Variants in CPNE2 observed in about 807,000 individuals in gnomAD.
CPNE2 encodes copine-2.
CPNE2 carries 42 observed loss-of-function variants against 69.7 expected under a neutral mutation model. That is an observed-to-expected ratio of 0.60 (90% CI 0.47 to 0.78). The LOEUF is 0.78. Ranked by LOEUF, CPNE2 falls within the 30% of genes least tolerant of loss-of-function variation. The pLI is 0.00. For synonymous variants in CPNE2, 294 were observed against 289.8 expected, an observed-to-expected ratio of 1.01 and a Z score of -0.15; for missense variants, 587 against 732.0, an observed-to-expected ratio of 0.80 and a Z score of 2.29.
At chr16:57,095,842 T>C (rs2069575174) in intron 1 of CPNE2, among the ~76,000 whole-genome samples, 1 of 152,208 alleles carries the variant, frequency 6.6e-6, no homozygotes, top group Non-Finnish European at 1.5e-5. Flanking sequence ...TGTGTCACCA[T>C]CCCTCCTCAC....
chr16:57,125,065 T>C (rs557756790), intron 10 of CPNE2: 9 of 328,288 alleles, frequency 2.7e-5, no homozygotes, highest in South Asian at 2.2e-4. Flanking sequence ...CCACAGCAAC[T>C]GAGTTCCCAT....
rs1257959023 is a variant in CPNE2 at position 57,147,654 on chromosome 16, C to T, written c.1643C>T (p.Ala548Val). 6.3e-7 allele frequency: 1 copy of T among 1,598,616 alleles called. No homozygotes were observed. The highest frequency in any genetic ancestry group is 1.7e-5 in the Admixed American group (1 of 59,386). ...CTGCCCCCCACCAACTCGGAGCCCG[C>T]CTGAGCTCCAGTGCCCAGCAGCAGC... ...KNLPPTNSEP[A>V] is the part of the protein sequence containing the mutation. The change falls in exon 16 of 16, where the codon GCC (alanine) becomes GTC (valine). Residue 548 changes from alanine (A) to valine (V), a missense_variant. Physicochemically the swap from Ala to Val is moderately conservative, Grantham distance 64. Coordinates refer to ENST00000290776, the MANE Select transcript of CPNE2 (RefSeq NM_152727.6).
At chr16:57,122,363 G>A (rs9940758) in intron 9 of CPNE2, among the ~76,000 whole-genome samples, 2 of 152,212 alleles carry the variant, frequency 1.3e-5, no homozygotes, top group East Asian at 3.8e-4. Context: ...CCACCAGCAG[G>A]TGGATCCCAG....
At chr16:57,096,809 C>T (rs935839603) in intron 1 of CPNE2, among the ~76,000 whole-genome samples, 3 of 151,970 alleles carry the variant, frequency 2.0e-5, no homozygotes, top group Non-Finnish European at 2.9e-5. Flanking sequence ...GAGGGGACAG[C>T]CAGGGCACAT....
chr16:57,115,587 T>G, intron 4 of CPNE2, 37 bp downstream of exon 4: 2 of 1,397,184 alleles, frequency 1.4e-6, no homozygotes, highest in East Asian at 2.6e-5. Context: ...ACCCCCTCCA[T>G]CCCCACCCCA....
chr16:57,125,500 A>C, intron 10 of CPNE2: 1 of 388,830 alleles, frequency 2.6e-6, no homozygotes, highest in Non-Finnish European at 5.2e-6. Context: ...ACGGGAAGAA[A>C]CGATAGCCTG....
At chr16:57,113,544 C>T in intron 3 of CPNE2, 77 bp downstream of exon 3, 1 of 1,437,822 alleles carries the variant, frequency 7.0e-7, no homozygotes. Context: ...CTCGTGCTGT[C>T]TTTCCCTAGC....
At position 57,130,968 on chromosome 16, in the gene CPNE2, G is replaced by A. The variant is rs141626982; in HGVS notation, c.1116+3065G>A. 8.3e-3 allele frequency among the ~76,000 whole-genome samples: 1,265 copies of A among 152,216 alleles called. 20 individuals are homozygous for A. The highest frequency in any genetic ancestry group is 0.029 in the African/African-American group (1,192 of 41,534). On this transcript the variant is annotated intron_variant, in intron 12 of 15. Coordinates refer to ENST00000290776, the MANE Select transcript of CPNE2 (RefSeq NM_152727.6). The surrounding 1 kb of genome is among the most constrained non-coding windows in gnomAD (Gnocchi z 4.1). ...AGGCGGGGGCTCCTCATAGAACCAC[G>A]GGCACCAGGGGAGGGGTGGTTTGGT...
chr16:57,105,686 G>C (rs1203116820), intron 1 of CPNE2, among the ~76,000 whole-genome samples: 2 of 152,252 alleles, frequency 1.3e-5, no homozygotes, highest in East Asian at 3.9e-4. Flanking sequence ...GAATTCCCAA[G>C]TCCTGTCCTC....
chr16:57,133,563 C>G (rs1192993879), intron 12 of CPNE2, among the ~76,000 whole-genome samples: 1 of 152,164 alleles, frequency 6.6e-6, no homozygotes, highest in African/African-American at 2.4e-5. Flanking sequence ...CCCAGTACCC[C>G]CATCGTCATG....
Position 57,146,716 on chromosome 16 carries a change from G to A in CPNE2, c.1539+395G>A, listed in dbSNP as rs1194362619. 1 of 189,456 alleles carries A rather than the reference G, an allele frequency of 5.3e-6. No individual in the cohort carries two copies. Among genetic ancestry groups the A allele is most frequent in the South Asian group, 9.9e-5 (1 of 10,120 alleles). 11.7% of individuals were successfully genotyped at this position (189,456 alleles called of 1,614,324 possible). A position where few individuals can be genotyped will look rare whatever the true frequency, so the allele number is the denominator to read the frequency against. Reference sequence around the variant, plus strand: ...CAGCAAGCCCCCTCATTTTGTAGACGGAAAACAAGGCCTCCCAGTCATCTT... The same window carrying A: ...CAGCAAGCCCCCTCATTTTGTAGACAGAAAACAAGGCCTCCCAGTCATCTT... On this transcript the variant is annotated intron_variant, in intron 15 of 15. Coordinates refer to ENST00000290776, the MANE Select transcript of CPNE2 (RefSeq NM_152727.6). The surrounding 1 kb of genome is among the most constrained non-coding windows in gnomAD (Gnocchi z 4.4).
At chr16:57,125,831 AC>A in intron 10 of CPNE2, 28 bp from the exon 11 acceptor site, 1 of 1,613,618 alleles carries the variant, frequency 6.2e-7, no homozygotes, top group Non-Finnish European at 8.5e-7. Context: ...CTCTGGCCCC[AC>A]TGGGTGGCCT....
chr16:57,123,976 A>C (rs925923453), intron 10 of CPNE2: 1 of 171,564 alleles, frequency 5.8e-6, no homozygotes, highest in Non-Finnish European at 1.3e-5. Context: ...GCCATTTTTC[A>C]GGCCTGAGGA....
rs1322718609 is a variant in CPNE2, at chr16:57,146,454, A to G, written c.1539+133A>G. 11 of 804,622 alleles carry G rather than the reference A, an allele frequency of 1.4e-5. No homozygotes were observed. The Admixed American group carries it at 3.1e-4, about 23-fold the overall frequency. The allele number at this position is 804,622 out of a possible 1,614,324, so 49.8% of individuals were successfully genotyped here. A position where few individuals can be genotyped will look rare whatever the true frequency, so the allele number is the denominator to read the frequency against. ...CCACTCCATTGACTATGCTCTTCTG[A>G]GGGCCTGCCATGTGCCAGGCGCCGT... On this transcript the variant is annotated intron_variant, in intron 15 of 15. Transcript: ENST00000290776. The surrounding 1 kb of genome is among the most constrained non-coding windows in gnomAD (Gnocchi z 4.4).
At chr16:57,103,446 C>G (rs772088681) in intron 1 of CPNE2, among the ~76,000 whole-genome samples, 2 of 152,196 alleles carry the variant, frequency 1.3e-5, no homozygotes, top group Non-Finnish European at 2.9e-5. Flanking sequence ...TTCTACACAT[C>G]AAGTTGCATG....
At position 57,115,510 on chromosome 16, in the gene CPNE2, TGCTGCTGAATGACAA is replaced by T. The variant is rs762725494; in HGVS notation, c.398_412del (p.Leu133_Lys137del). The T allele has an allele frequency of 6.2e-7, 1 of 1,612,978 alleles. No individual in the cohort carries two copies. The highest frequency in any genetic ancestry group is 1.7e-5 in the Admixed American group (1 of 59,926). On this transcript the variant is annotated inframe_deletion, in exon 4 of 16. Transcript: ENST00000290776. The stretch of plus-strand genomic sequence containing the variant: ...AGCAAGAAGATCACTAGGCCTCTGC[TGCTGCTGAATGACAA>T]GCCTGCGGGGAAGGGCTTGATTACG...
intron 12 of CPNE2, among the ~76,000 whole-genome samples, chr16:57,132,155 A>C (rs1036204135): frequency 6.6e-6 from 1 of 152,166 alleles, no homozygotes; most frequent in Non-Finnish European, 1.5e-5. Context: ...GCTAGAAGGA[A>C]CCAGAAGGAG....
chr16:57,098,504 C>A (rs1287232838), intron 1 of CPNE2, among the ~76,000 whole-genome samples: 2 of 152,208 alleles, frequency 1.3e-5, no homozygotes, highest in African/African-American at 4.8e-5. Context: ...CCACCAGAAC[C>A]AGGATGCAGG....
At chr16:57,138,657 A>G (rs1440622184) in intron 14 of CPNE2, among the ~76,000 whole-genome samples, 1 of 150,476 alleles carries the variant, frequency 6.6e-6, no homozygotes, top group South Asian at 2.1e-4. Context: ...TGACCACTAT[A>G]TGAAGCAGAT....
Sources: gnomAD v4.1 joint callset for allele counts (sites outside exome capture counted in the v4.1 genomes callset) on GRCh38, gnomAD v4.1.1 for gene constraint, Gnocchi (gnomAD v3.1) non-coding constraint, MANE v1.5 for transcripts, NCBI Gene and HGNC (gene_info 2026-07-23, HGNC 2026-07-21) for gene names.